The following TMEM135 variants were observed in gnomAD, a reference collection of about 807,000 sequenced individuals.
The protein encoded by TMEM135 is transmembrane protein 135.
Under a neutral mutation model 60.3 loss-of-function variants are expected in TMEM135, and 30 were observed. The ratio of observed to expected loss-of-function variants is 0.50; its 90% CI spans 0.37 to 0.68. TMEM135 has a LOEUF of 0.68. Among genes scored for constraint, TMEM135 ranks in the 30% least tolerant of loss-of-function variants. The pLI is 0.00. For synonymous variants in TMEM135, 190 were observed against 186.7 expected, an observed-to-expected ratio of 1.02 and a Z score of -0.14; for missense variants, 468 against 548.8, an observed-to-expected ratio of 0.85 and a Z score of 1.47.
At chr11:87,208,075 C>T (rs547463646) in intron 5 of TMEM135, among the ~76,000 whole-genome samples, 1 of 152,268 alleles carries the variant, frequency 6.6e-6, no homozygotes, top group East Asian at 1.9e-4. Context: ...TAAAAAAGCC[C>T]CATCCAAAGG....
intron 4 of TMEM135, among the ~76,000 whole-genome samples, chr11:87,153,521 C>T (rs1358251051): frequency 6.6e-6 from 1 of 152,180 alleles, no homozygotes. Flanking sequence ...AGTTTCCATT[C>T]AAATTATCTT....
At chr11:87,295,747 T>C in intron 6 of TMEM135, 35 bp from the exon 7 acceptor site, 1 of 1,555,068 alleles carries the variant, frequency 6.4e-7, no homozygotes, top group Non-Finnish European at 8.8e-7. Flanking sequence ...TCTCAAAATA[T>C]GTTATTTTAT....
intron 5 of TMEM135, among the ~76,000 whole-genome samples, chr11:87,218,703 T>A (rs1453964046): frequency 6.6e-6 from 1 of 152,156 alleles, no homozygotes. Flanking sequence ...GGCTCATGCC[T>A]GTAATCCCAG....
rs1247583706 is a variant in TMEM135, at chr11:87,037,986, C to T, written c.-60C>T. 2 of 1,608,628 alleles carry T rather than the reference C, an allele frequency of 1.2e-6. No individual in the cohort carries two copies. Among genetic ancestry groups the T allele is most frequent in the South Asian group, 2.2e-5 (2 of 90,986 alleles). On this transcript the variant is annotated 5_prime_UTR_variant, in exon 1 of 15. Coordinates refer to ENST00000305494, the MANE Select transcript of TMEM135 (RefSeq NM_022918.4). ...CGAGAGGCTGGCGGCTGGGCTCTCGCGCCCCTCCCTGCAGGGCTCAGGCTC... is the reference window on the plus strand; with the variant it reads ...CGAGAGGCTGGCGGCTGGGCTCTCGTGCCCCTCCCTGCAGGGCTCAGGCTC...
chr11:87,204,993 T>G (rs1480656876), intron 5 of TMEM135, among the ~76,000 whole-genome samples: 1 of 152,228 alleles, frequency 6.6e-6, no homozygotes. Context: ...CAGATAATAC[T>G]TAATGTTCCC....
At position 87,113,391 on chromosome 11, in the gene TMEM135, T is replaced by G. The variant is rs1857802484; in HGVS notation, c.396+21996T>G. ...CTGAATCTTTCAGCTCTGGCTTGTA[T>G]TATTTTAACTCTACAATTATTTTCA... is the stretch of plus-strand genomic sequence containing the variant. On this transcript the variant is annotated intron_variant, in intron 4 of 14. Transcript: ENST00000305494. 2.0e-5 allele frequency among the ~76,000 whole-genome samples: 3 copies of G among 152,160 alleles called. No individual in the cohort carries two copies. The South Asian group carries it at 6.2e-4, about 31-fold the overall frequency.
chr11:87,091,411 T>C lies in TMEM135; in HGVS notation c.396+16T>C. The C allele has an allele frequency of 1.9e-6, 3 of 1,610,990 alleles. No homozygotes were observed. The South Asian group carries it at 3.3e-5, about 18-fold the overall frequency. ...GGCCAACTTGGTAAGTATTTTGTTTTAACCTTTGATGTCTTCCCATAAGCT... is the reference window on the plus strand; with the variant it reads ...GGCCAACTTGGTAAGTATTTTGTTTCAACCTTTGATGTCTTCCCATAAGCT... On this transcript the variant is annotated intron_variant, in intron 4 of 14. Coordinates refer to ENST00000305494, the MANE Select transcript of TMEM135 (RefSeq NM_022918.4).
chr11:87,069,392 A>G (rs1261156867), intron 2 of TMEM135, among the ~76,000 whole-genome samples: 1 of 152,052 alleles, frequency 6.6e-6, no homozygotes, highest in Non-Finnish European at 1.5e-5. Flanking sequence ...ATGTTCTATG[A>G]ACCTGTTTGG....
intron 5 of TMEM135, among the ~76,000 whole-genome samples, chr11:87,165,649 A>G (rs549467283): frequency 4.6e-5 from 7 of 151,374 alleles, no homozygotes; most frequent in South Asian, 2.1e-4. Flanking sequence ...GGTAGAATTC[A>G]GCTGTGAATC....
At chr11:87,294,717 C>T (rs1473178411) in intron 6 of TMEM135, among the ~76,000 whole-genome samples, 2 of 152,148 alleles carry the variant, frequency 1.3e-5, no homozygotes, top group Non-Finnish European at 2.9e-5. Flanking sequence ...TATCCAGTGT[C>T]TTTATAGATT....
intron 5 of TMEM135, among the ~76,000 whole-genome samples, chr11:87,176,704 T>C (rs1245246352): frequency 6.6e-6 from 1 of 152,192 alleles, no homozygotes; most frequent in Non-Finnish European, 1.5e-5. Flanking sequence ...GATAAAAGTC[T>C]GGTTTAGTGA....
chr11:87,146,167 C>T (rs537346227), intron 4 of TMEM135, among the ~76,000 whole-genome samples: 4 of 152,288 alleles, frequency 2.6e-5, no homozygotes, highest in Admixed American at 6.5e-5. Flanking sequence ...TTTGACAGCA[C>T]TATTTATTGA....
chr11:87,180,443 C>T (rs944146189), intron 5 of TMEM135, among the ~76,000 whole-genome samples: 1 of 151,760 alleles, frequency 6.6e-6, no homozygotes, highest in Non-Finnish European at 1.5e-5. Flanking sequence ...AGTTTTGTAG[C>T]CAGAGAATTA....
intron 6 of TMEM135, among the ~76,000 whole-genome samples, chr11:87,272,137 T>TC (rs1300557446): frequency 5.7e-5 from 8 of 140,496 alleles, no homozygotes; most frequent in Non-Finnish European, 1.2e-4. Flanking sequence ...CACTGCAACC[T>TC]CCCCCTCCCT....
chr11:87,258,761 T>TAA (rs56351840), intron 6 of TMEM135: 175 of 442,062 alleles, frequency 4.0e-4, no homozygotes, highest in Middle Eastern at 1.4e-3. Context: ...GTGCCAAAGT[T>TAA]AAAAAAAAAT....
At chr11:87,286,767 T>C (rs1042070940) in intron 6 of TMEM135, among the ~76,000 whole-genome samples, 2 of 152,232 alleles carry the variant, frequency 1.3e-5, no homozygotes, top group Non-Finnish European at 2.9e-5. Flanking sequence ...AACTTTTCAA[T>C]TGTATTCACT....
chr11:87,304,240 A>G lies in TMEM135; in HGVS notation c.699-1696A>G, dbSNP rs763133922. Among the ~76,000 whole-genome samples the G allele has an allele frequency of 2.0e-5, 3 of 152,156 alleles. No individual in the cohort carries two copies. The South Asian group carries it at 6.2e-4, about 32-fold the overall frequency. ...TTAAAAATTAGCTAGGATTGATGGC[A>G]TGTGCCTGTAGTCCTAGCTACGCAG... On this transcript the variant is annotated intron_variant, in intron 8 of 14. Coordinates refer to ENST00000305494, the MANE Select transcript of TMEM135 (RefSeq NM_022918.4).
intron 5 of TMEM135, among the ~76,000 whole-genome samples, chr11:87,159,589 A>ACG (rs1555111979): frequency 0.34 from 49,801 of 144,968 alleles, 8,824 homozygotes; most frequent in East Asian, 0.55. Flanking sequence ...GAATACACAC[A>ACG]CGCGCACACA....
At chr11:87,229,781 A>G (rs190580666) in intron 5 of TMEM135, among the ~76,000 whole-genome samples, 1 of 152,294 alleles carries the variant, frequency 6.6e-6, no homozygotes, top group Admixed American at 6.5e-5. Flanking sequence ...TTTGATGTGT[A>G]TCTATGTACA....
Sources: allele counts gnomAD v4.1 joint callset (sites outside exome capture counted in the v4.1 genomes callset), GRCh38; gene constraint gnomAD v4.1.1; transcripts MANE v1.5; gene names NCBI Gene and HGNC (gene_info 2026-07-23, HGNC 2026-07-21).